UTP20: variants seen among roughly 807,000 people sequenced by gnomAD.
The protein encoded by UTP20 is UTP20 small subunit processome component.
A neutral mutation model predicts 329.5 loss-of-function variants in UTP20; 164 were observed. The ratio of observed to expected loss-of-function variants is 0.50; its 90% CI spans 0.44 to 0.57. UTP20 has a LOEUF of 0.57. UTP20 is among the 20% of genes least tolerant of loss of function. The probability of loss-of-function intolerance (pLI) is 0.00; values close to 1 mark genes in which losing one functional copy is unlikely to be tolerated. For synonymous variants in UTP20, 1,151 were observed against 1,159.3 expected (o/e 0.99, Z 0.14); for missense variants, 3,055 against 3,284.2 (o/e 0.93, Z 1.71).
Position 101,383,152 on chromosome 12 carries a change from G to T in UTP20, c.7768G>T (p.Asp2590Tyr). ...EDLEEQEALE[D>Y]GVACADEKAE... The stretch of plus-strand genomic sequence containing the variant: ...CCTGGAAGAACAAGAAGCTTTAGAA[G>T]ATGGTGTGGCCTGTGCAGATGAGAA... Residue 2590 changes from aspartate (D) to tyrosine (Y), a missense_variant, in exon 59 of 62, where the codon GAT becomes TAT. By Grantham distance (160) the Asp-to-Tyr change is radical. Transcript: ENST00000261637. 6.2e-7 allele frequency: 1 copy of T among 1,614,058 alleles called. No homozygotes were observed. Among genetic ancestry groups the T allele is most frequent in the African/African-American group, 1.3e-5 (1 of 75,032 alleles).
At chr12:101,363,040 C>T (rs1189231011) in intron 44 of UTP20, among the ~76,000 whole-genome samples, 2 of 131,122 alleles carry the variant, frequency 1.5e-5, no homozygotes, top group Admixed American at 7.1e-5. Flanking sequence ...GGCTGAGACA[C>T]GAGAATTGCT....
chr12:101,289,119 G>A lies in UTP20; in HGVS notation c.597+78G>A, dbSNP rs543596145. ...AGGCCAGGCGTGGTGGCTCATGCCTGTAATCCCAACACCTTGGGAGGCCGA... is the reference window on the plus strand; with the variant it reads ...AGGCCAGGCGTGGTGGCTCATGCCTATAATCCCAACACCTTGGGAGGCCGA... On this transcript the variant is annotated intron_variant, in intron 6 of 61. Transcript: ENST00000261637. 78 of 1,308,470 alleles carry A rather than the reference G, an allele frequency of 6.0e-5. No homozygotes were observed. The Admixed American group carries it at 1.3e-3, about 22-fold the overall frequency. The allele number at this position is 1,308,470 out of a possible 1,614,324, so 81.1% of individuals were successfully genotyped here.
In UTP20 at chr12:101,338,207, G is replaced by A; in HGVS notation, c.3798G>A (p.Glu1266=). 1 of 1,614,120 alleles carries A rather than the reference G, an allele frequency of 6.2e-7. No homozygotes were observed. Among genetic ancestry groups the A allele is most frequent in the Non-Finnish European group, 8.5e-7 (1 of 1,180,022 alleles). ...VDDLLNLPDF[E]PTETVLNLLV... ...ACCTTCTTAACCTTCCAGATTTCGA[G>A]CCTACAGAAACAGTTTTGAACTTGC... The change falls in exon 30 of 62, where the codon GAG becomes GAA. Residue 1266 remains glutamate, a synonymous_variant. Coordinates refer to ENST00000261637, the MANE Select transcript of UTP20 (RefSeq NM_014503.3).
At chr12:101,285,922 C>T (rs371789541) in intron 4 of UTP20, 41 bp downstream of exon 4, 7 of 1,595,606 alleles carry the variant, frequency 4.4e-6, no homozygotes, top group African/African-American at 1.4e-5. Flanking sequence ...CTATATTTGC[C>T]TGAATTTTAA....
Position 101,302,529 on chromosome 12 carries a change from TG to T in UTP20, c.1759del (p.Glu587AsnfsTer3). ...TCTGAACTTCTTCATTTGGTTCCTG[TG>T]GAACGTGTGAAGAATTTAGTATTGT... ...ESSELLHLVP[V>X]ERVKNLVLTF... On this transcript the variant is annotated frameshift_variant, in exon 15 of 62. Coordinates refer to ENST00000261637, the MANE Select transcript of UTP20 (RefSeq NM_014503.3). LOFTEE classifies it high-confidence loss of function. 6.2e-7 allele frequency: 1 copy of T among 1,609,508 alleles called. No homozygotes were observed. Among genetic ancestry groups the T allele is most frequent in the Non-Finnish European group, 8.5e-7 (1 of 1,178,410 alleles).
At chr12:101,351,635 C>T (rs922374642) in intron 38 of UTP20, among the ~76,000 whole-genome samples, 6 of 151,340 alleles carry the variant, frequency 4.0e-5, no homozygotes, top group Admixed American at 4.0e-4. Flanking sequence ...ACCTACTAAC[C>T]CATCACCTAG....
intron 58 of UTP20, among the ~76,000 whole-genome samples, chr12:101,381,467 C>T (rs191976278): frequency 2.6e-4 from 40 of 152,094 alleles, no homozygotes; most frequent in African/African-American, 9.2e-4. Flanking sequence ...ACGTGGGAGG[C>T]GGAGGATGCA....
chr12:101,286,497 C>A lies in UTP20; in HGVS notation c.503C>A (p.Ser168Tyr). The A allele has an allele frequency of 6.2e-7, 1 of 1,604,286 alleles. No individual in the cohort carries two copies. The highest frequency in any genetic ancestry group is 8.5e-7 in the Non-Finnish European group (1 of 1,175,590). ...TGGAGACTGATGGTGAAGGACATGT[C>A]CAGTATATACAGGTAACCCCTTTCT... The part of the protein sequence containing the change: ...YLWRLMVKDM[S>Y]SIYSMYSTLL... The change falls in exon 5 of 62, where the codon TCC (serine) becomes TAC (tyrosine). Residue 168 changes from serine to tyrosine, a missense_variant. Ser to Tyr is a moderately radical substitution (Grantham distance 144, BLOSUM62 -2). Around this residue, in one of 3 missense-constraint regions of UTP20, gnomAD observed 2,445 missense variants for 2,575.5 expected, o/e 0.95. Transcript: ENST00000261637.
rs758484534 is a variant in UTP20 at position 101,342,976 on chromosome 12, C to T, written c.4332C>T (p.Ile1444=). 1.1e-5 allele frequency: 18 copies of T among 1,613,694 alleles called. No homozygotes were observed. The highest frequency in any genetic ancestry group is 1.5e-5 in the Non-Finnish European group (18 of 1,179,922). ...TCGATCAAAGACATCTTGATGATAT[C>T]AACTTCGACGTTCGCTTTGAGACTT... ...NAFDQRHLDD[I]NFDVRFETFQ... Residue 1444 remains isoleucine, a synonymous_variant, in exon 35 of 62, where the codon ATC becomes ATT. Coordinates refer to ENST00000261637, the MANE Select transcript of UTP20 (RefSeq NM_014503.3).
intron 43 of UTP20, among the ~76,000 whole-genome samples, chr12:101,357,359 T>A (rs754465653): frequency 1.3e-5 from 2 of 152,250 alleles, no homozygotes; most frequent in Non-Finnish European, 2.9e-5. Flanking sequence ...TCTGAGTTCT[T>A]AATATAATTC....
chr12:101,302,670 C>A, intron 15 of UTP20, 117 bp downstream of exon 15: 1 of 614,526 alleles, frequency 1.6e-6, no homozygotes, highest in Non-Finnish European at 2.7e-6. Flanking sequence ...GAGTTGTATT[C>A]ACGTAGTGAA....
At position 101,312,379 on chromosome 12, in the gene UTP20, C is replaced by T. The variant is rs1872821501; in HGVS notation, c.2552+103C>T. On this transcript the variant is annotated intron_variant, in intron 21 of 61. Transcript: ENST00000261637. ...GGCTGAGTTCTTTGTTTTTTGCCTT[C>T]TTTCTTTCTGCTTCCAATCATCCAT... 2.7e-6 allele frequency: 4 copies of T among 1,459,104 alleles called. No homozygotes were observed. The South Asian group carries it at 5.4e-5, about 20-fold the overall frequency. 90.4% of individuals were successfully genotyped at this position (1,459,104 alleles called of 1,614,324 possible).
chr12:101,291,946 A>G lies in UTP20; in HGVS notation c.1039-24A>G, dbSNP rs748830422. 11 of 1,610,438 alleles carry G rather than the reference A, an allele frequency of 6.8e-6. No homozygotes were observed. In the East Asian group the frequency reaches 2.5e-4, roughly 36 times the overall value. On this transcript the variant is annotated intron_variant, in intron 9 of 61. Coordinates refer to ENST00000261637, the MANE Select transcript of UTP20 (RefSeq NM_014503.3). ...GGTTTTTAAAAGCTGATTGCTGAGT[A>G]TGCATTGTTTTTTCTTTTTGCAGGT... is the stretch of plus-strand genomic sequence containing the variant.
intron 23 of UTP20, 21 bp downstream of exon 23, chr12:101,319,656 G>T (rs201682109): frequency 6.4e-7 from 1 of 1,559,984 alleles, no homozygotes; most frequent in East Asian, 2.3e-5. Context: ...TAAACTCTTG[G>T]CATTATAATT....
chr12:101,319,705 A>T, intron 23 of UTP20, 70 bp downstream of exon 23: 1 of 1,336,296 alleles, frequency 7.5e-7, no homozygotes, highest in Non-Finnish European at 1.0e-6. Flanking sequence ...TTGTCAGAGT[A>T]GCTTAGATTT....
chr12:101,381,233 G>T, intron 58 of UTP20, 22 bp downstream of exon 58: 3 of 1,603,628 alleles, frequency 1.9e-6, no homozygotes, highest in Non-Finnish European at 2.6e-6. Flanking sequence ...AGTTCTCCCA[G>T]TTTAAAAGAA....
In UTP20 at chr12:101,345,570, A is replaced by T. The variant is rs1869295133; in HGVS notation, c.4622A>T (p.Tyr1541Phe). The change falls in exon 37 of 62, where the codon TAT (tyrosine) becomes TTT (phenylalanine). Residue 1541 changes from tyrosine (Y) to phenylalanine (F), a missense_variant. Transcript: ENST00000261637. ...KSQTESIQQD[Y>F]TTILSCLIQT... ...TATTTACAGAGTATTCAGCAGGATT[A>T]TACCACAATACTTTCCTGTTTAATT... is the stretch of plus-strand genomic sequence containing the variant. 6.3e-7 allele frequency: 1 copy of T among 1,592,184 alleles called. No individual in the cohort carries two copies. Among genetic ancestry groups the T allele is most frequent in the African/African-American group, 1.3e-5 (1 of 74,306 alleles).
chr12:101,338,937 A>G lies in UTP20; in HGVS notation c.3993A>G (p.Lys1331=). The G allele has an allele frequency of 6.3e-7, 1 of 1,599,622 alleles. No homozygotes were observed. The highest frequency in any genetic ancestry group is 8.5e-7 in the Non-Finnish European group (1 of 1,176,828). Residue 1331 remains lysine (K), a synonymous_variant, in exon 31 of 62, where the codon AAA becomes AAG. Transcript: ENST00000261637. ...KKKKNRAQVS[K]ELGILSKISK... ...AAAAGAATAGAGCACAAGTCAGTAA[A>G]GAGCTTGGCATTCTTTCAAAGTAAG...
intron 19 of UTP20, among the ~76,000 whole-genome samples, chr12:101,311,285 G>A (rs962454647): frequency 2.0e-5 from 3 of 152,070 alleles, no homozygotes; most frequent in East Asian, 1.9e-4. Flanking sequence ...GTTGTTTCAT[G>A]TAGTTAGTGA....
Sources: gnomAD v4.1 joint callset for allele counts (sites outside exome capture counted in the v4.1 genomes callset) on GRCh38, gnomAD v4.1.1 for gene constraint, gnomAD v4.1.1 regional missense constraint, MANE v1.5 for transcripts, NCBI Gene and HGNC (gene_info 2026-07-23, HGNC 2026-07-21) for gene names.